The following PCDH17 variants were observed in gnomAD, a reference collection of about 807,000 sequenced individuals.
The protein encoded by PCDH17 is protocadherin 17.
A neutral mutation model predicts 67.7 loss-of-function variants in PCDH17; 21 were observed. That is an observed-to-expected ratio of 0.31 (90% CI 0.22 to 0.45). PCDH17 has a LOEUF of 0.45. Among genes scored for constraint, PCDH17 ranks in the 20% least tolerant of loss-of-function variants. The pLI, the probability that PCDH17 is intolerant of heterozygous loss-of-function variation, is 1.00. For synonymous variants in PCDH17, 701 were observed against 656.7 expected (o/e 1.07, Z -1.03); for missense variants, 1,471 against 1,564.8 (o/e 0.94, Z 1.01).
At chr13:57,671,799 G>A (rs115293178) in intron 3 of PCDH17, among the ~76,000 whole-genome samples, 5 of 152,072 alleles carry the variant, frequency 3.3e-5, no homozygotes, top group African/African-American at 1.2e-4. Flanking sequence ...AATTGTACAG[G>A]AGAATTCTGT....
At chr13:57,662,949 A>G (rs1314534434) in intron 1 of PCDH17, among the ~76,000 whole-genome samples, 1 of 152,102 alleles carries the variant, frequency 6.6e-6, no homozygotes, top group Non-Finnish European at 1.5e-5. Context: ...TTAACACACA[A>G]AGAAAGAAAA....
At chr13:57,630,721 C>T (rs913365346), upstream of PCDH17, among the ~76,000 whole-genome samples, 3 of 152,084 alleles carry the variant, frequency 2.0e-5, no homozygotes, top group African/African-American at 7.2e-5. Flanking sequence ...TTTCTTTTTC[C>T]CCAAAAACAT....
chr13:57,723,067 CTG>C (rs1432932792), intron 3 of PCDH17, among the ~76,000 whole-genome samples: 5 of 152,182 alleles, frequency 3.3e-5, no homozygotes, highest in African/African-American at 1.2e-4. Flanking sequence ...TGTGGATGCA[CTG>C]TGTGACTGCT....
chr13:57,632,749 A>C lies in PCDH17; in HGVS notation c.203A>C (p.Glu68Ala). ...AAGTCGGGTAGCTACCGGGTGCTGG[A>C]GAACTCCGCACCGCACCTGCTGGAC... ...RSKSGSYRVL[E>A]NSAPHLLDVD... Residue 68 changes from glutamate (E) to alanine (A), a missense_variant, in exon 1 of 4, where the codon GAG (glutamate) becomes GCG (alanine). Transcript: ENST00000377918. 1 of 1,612,504 alleles carries C rather than the reference A, an allele frequency of 6.2e-7. No individual in the cohort carries two copies. The highest frequency in any genetic ancestry group is 1.1e-5 in the South Asian group (1 of 91,062).
intron 3 of PCDH17, among the ~76,000 whole-genome samples, chr13:57,681,850 T>G (rs1045060623): frequency 6.6e-6 from 1 of 151,788 alleles, no homozygotes; most frequent in South Asian, 2.1e-4. Context: ...ATGTTGTATT[T>G]ATTAAGTGCT....
chr13:57,717,843 C>T (rs1426919080), intron 3 of PCDH17, among the ~76,000 whole-genome samples: 2 of 151,888 alleles, frequency 1.3e-5, no homozygotes, highest in African/African-American at 2.4e-5. Context: ...CATTTTTTCT[C>T]ATAGTAGTTT....
intron 3 of PCDH17, among the ~76,000 whole-genome samples, chr13:57,708,641 C>T (rs1438679388): frequency 6.6e-6 from 1 of 151,744 alleles, no homozygotes; most frequent in Non-Finnish European, 1.5e-5. Context: ...AAAGAAATAT[C>T]CCCAGGGCAA....
chr13:57,633,150 G>C lies in PCDH17; in HGVS notation c.604G>C (p.Asp202His). Residue 202 changes from aspartate (D) to histidine (H), a missense_variant, in exon 1 of 4, where the codon GAC (aspartate) becomes CAC (histidine). Physicochemically the swap from Asp to His is moderately conservative, Grantham distance 81 (BLOSUM62 -1). Transcript: ENST00000377918. The surrounding 1 kb of genome is among the most constrained non-coding windows in gnomAD (Gnocchi z 6.2). Reference sequence around the variant, plus strand: ...AGAACTGGTCATCCAGAAGGCTCTGGACCGCGAGCAACAGAATCACCATAC... The same window carrying C: ...AGAACTGGTCATCCAGAAGGCTCTGCACCGCGAGCAACAGAATCACCATAC... The part of the protein sequence containing the change: ...FPELVIQKAL[D>H]REQQNHHTLV... 6.2e-7 allele frequency: 1 copy of C among 1,613,432 alleles called. No individual in the cohort carries two copies. Among genetic ancestry groups the C allele is most frequent in the Non-Finnish European group, 8.5e-7 (1 of 1,179,998 alleles).
intron 3 of PCDH17, among the ~76,000 whole-genome samples, chr13:57,692,178 A>C (rs568053551): frequency 6.6e-6 from 1 of 151,342 alleles, no homozygotes; most frequent in African/African-American, 2.4e-5. Flanking sequence ...GCCTTGAATA[A>C]CAGTTCTACG....
Position 57,726,673 on chromosome 13 carries a change from A to C in PCDH17, c.*1379A>C, listed in dbSNP as rs1955918719. Reference sequence around the variant, plus strand: ...ATGGTTATGTGCAAGTCCTTGTAGAAGCTTTTATTAAAGTCATGCTAAATC... The same window carrying C: ...ATGGTTATGTGCAAGTCCTTGTAGACGCTTTTATTAAAGTCATGCTAAATC... On this transcript the variant is annotated 3_prime_UTR_variant, in exon 4 of 4. Coordinates refer to ENST00000377918, the MANE Select transcript of PCDH17 (RefSeq NM_001040429.3). The C allele has an allele frequency of 6.6e-6, 1 of 152,594 alleles. No homozygotes were observed. The highest frequency in any genetic ancestry group is 6.5e-5 in the Admixed American group (1 of 15,280). The allele number at this position is 152,594 out of a possible 1,614,324, so 9.5% of individuals were successfully genotyped here. A position where few individuals can be genotyped will look rare whatever the true frequency, so the allele number is the denominator to read the frequency against.
chr13:57,716,365 T>C (rs182618029), intron 3 of PCDH17, among the ~76,000 whole-genome samples: 268 of 152,116 alleles, frequency 1.8e-3, no homozygotes, highest in Non-Finnish European at 3.2e-3. Flanking sequence ...TTTCTCTACA[T>C]TGTTATGTCA....
intron 1 of PCDH17, among the ~76,000 whole-genome samples, chr13:57,652,656 GGA>G (rs1222621636): frequency 6.6e-6 from 1 of 152,076 alleles, no homozygotes; most frequent in Non-Finnish European, 1.5e-5. Context: ...TTAGAAATTT[GGA>G]TGCGTACAAT....
chr13:57,654,816 G>A (rs1955083989), intron 1 of PCDH17, among the ~76,000 whole-genome samples: 1 of 151,754 alleles, frequency 6.6e-6, no homozygotes, highest in South Asian at 2.1e-4. Context: ...TTATATTTCA[G>A]AAAATGATAA....
Position 57,632,957 on chromosome 13 carries a change from C to G in PCDH17, c.411C>G (p.Ile137Met), listed in dbSNP as rs777918200. 4 of 1,613,732 alleles carry G rather than the reference C, an allele frequency of 2.5e-6. No individual in the cohort carries two copies. Among genetic ancestry groups the G allele is most frequent in the Non-Finnish European group, 3.4e-6 (4 of 1,180,008 alleles). Residue 137 changes from isoleucine (I) to methionine (M), a missense_variant, in exon 1 of 4, where the codon ATC (isoleucine) becomes ATG (methionine). Physicochemically the swap from Ile to Met is conservative, Grantham distance 10. This residue lies in a region of PCDH17 where 1,163 missense variants were observed against 1,230.0 expected (regional missense o/e 0.95). Coordinates refer to ENST00000377918, the MANE Select transcript of PCDH17 (RefSeq NM_001040429.3). The stretch of plus-strand genomic sequence containing the variant: ...CGCCCTCCTTCTCCTCGGACCAGAT[C>G]GAAATGGACATCTCGGAGAACGCTG... The part of the protein sequence containing the change: ...DNAPSFSSDQ[I>M]EMDISENAAP...
intron 3 of PCDH17, among the ~76,000 whole-genome samples, chr13:57,689,237 A>G (rs1255492140): frequency 6.6e-6 from 1 of 152,068 alleles, no homozygotes. Flanking sequence ...ATTCTAGTCA[A>G]CATATGAAGG....
At chr13:57,648,451 T>C (rs551985075) in intron 1 of PCDH17, among the ~76,000 whole-genome samples, 39 of 152,108 alleles carry the variant, frequency 2.6e-4, no homozygotes, top group Non-Finnish European at 8.8e-5. Context: ...TTTCAAAGTC[T>C]GTATTTTCAA....
At chr13:57,683,504 GA>G (rs1955477792) in intron 3 of PCDH17, among the ~76,000 whole-genome samples, 1 of 151,822 alleles carries the variant, frequency 6.6e-6, no homozygotes, top group Non-Finnish European at 1.5e-5. Flanking sequence ...GAGAAAGATA[GA>G]AAAACTTAGG....
At chr13:57,638,784 C>T (rs1005998352) in intron 1 of PCDH17, among the ~76,000 whole-genome samples, 1 of 151,856 alleles carries the variant, frequency 6.6e-6, no homozygotes, top group Admixed American at 6.6e-5. Context: ...CTCAATATTG[C>T]AGAGTAAAAA....
intron 1 of PCDH17, among the ~76,000 whole-genome samples, chr13:57,643,514 A>T (rs1179977197): frequency 6.6e-6 from 1 of 151,586 alleles, no homozygotes; most frequent in African/African-American, 2.4e-5. Flanking sequence ...ATATTGGTGA[A>T]TTCTATTATA....
Sources: allele counts gnomAD v4.1 joint callset (sites outside exome capture counted in the v4.1 genomes callset), GRCh38; gene constraint gnomAD v4.1.1; regional missense constraint gnomAD v4.1.1; non-coding constraint Gnocchi (gnomAD v3.1); transcripts MANE v1.5; gene names NCBI Gene and HGNC (gene_info 2026-07-23, HGNC 2026-07-21).